The following BRD7 variants were observed in gnomAD, a reference collection of about 807,000 sequenced individuals.
BRD7 encodes bromodomain-containing protein 7.
In BRD7, 15 loss-of-function variants were observed where a neutral mutation model predicts 82.1. The ratio of observed to expected loss-of-function variants is 0.18; its 90% CI spans 0.12 to 0.28. The LOEUF (loss-of-function observed/expected upper bound fraction) is 0.28, where lower values mean the gene tolerates loss of function less well. Among genes scored for constraint, BRD7 ranks in the 10% least tolerant of loss-of-function variants. The probability of loss-of-function intolerance (pLI) is 1.00; values close to 1 mark genes in which losing one functional copy is unlikely to be tolerated. For synonymous variants in BRD7, 232 were observed against 266.9 expected (o/e 0.87, Z 1.27); for missense variants, 638 against 779.9 (o/e 0.82, Z 2.17).
chr16:50,341,390 T>C (rs1356445604), intron 5 of BRD7, among the ~76,000 whole-genome samples: 5 of 151,930 alleles, frequency 3.3e-5, no homozygotes, highest in Non-Finnish European at 5.9e-5. Flanking sequence ...CTTATAATTC[T>C]AGCACTTTGG....
At chr16:50,328,996 G>C (rs1243380896) in intron 8 of BRD7, among the ~76,000 whole-genome samples, 2 of 152,126 alleles carry the variant, frequency 1.3e-5, no homozygotes, top group Non-Finnish European at 2.9e-5. Context: ...GTCACATGAG[G>C]TCAGGTGTGG....
At chr16:50,333,851 C>T (rs1460094458) in intron 7 of BRD7, among the ~76,000 whole-genome samples, 154 bp from the exon 8 acceptor site, 1 of 152,146 alleles carries the variant, frequency 6.6e-6, no homozygotes, top group Non-Finnish European at 1.5e-5. Context: ...TGTTAAGGGT[C>T]TCTAATTTAA....
intron 8 of BRD7, among the ~76,000 whole-genome samples, chr16:50,330,394 G>A (rs2037514696): frequency 6.7e-6 from 1 of 148,832 alleles, no homozygotes; most frequent in Non-Finnish European, 1.5e-5. Context: ...AGGCTAGAGT[G>A]CAGAGGTGCA....
intron 2 of BRD7, among the ~76,000 whole-genome samples, chr16:50,366,035 A>G (rs1323739438): frequency 6.6e-6 from 1 of 152,234 alleles, no homozygotes; most frequent in East Asian, 1.9e-4. Context: ...CAAAGGACTA[A>G]GAATCAGAAT....
At chr16:50,337,889 A>G (rs576011101) in intron 6 of BRD7, among the ~76,000 whole-genome samples, 1 of 151,864 alleles carries the variant, frequency 6.6e-6, no homozygotes, top group East Asian at 1.9e-4. Flanking sequence ...AAAAAAAGGA[A>G]GACAACAGAG....
chr16:50,350,002 T>C, intron 5 of BRD7, 21 bp downstream of exon 5: 2 of 1,522,064 alleles, frequency 1.3e-6, no homozygotes, highest in South Asian at 2.7e-5. Flanking sequence ...AGATTTTGTG[T>C]ATATAGGATT....
chr16:50,356,655 A>G (rs1244828615), intron 2 of BRD7, among the ~76,000 whole-genome samples: 1 of 152,076 alleles, frequency 6.6e-6, no homozygotes, highest in Non-Finnish European at 1.5e-5. Context: ...AAGGAAAGAC[A>G]GAAATGGGAC....
chr16:50,356,427 A>G (rs1316132673), intron 2 of BRD7, among the ~76,000 whole-genome samples: 2 of 152,236 alleles, frequency 1.3e-5, no homozygotes, highest in Non-Finnish European at 2.9e-5. Flanking sequence ...AAATTGTGTC[A>G]TATTTACATA....
In BRD7 at chr16:50,334,868, T is replaced by C. The variant is rs370777891; in HGVS notation, c.730A>G (p.Ile244Val). 1 of 1,614,062 alleles carries C rather than the reference T, an allele frequency of 6.2e-7. No individual in the cohort carries two copies. Among genetic ancestry groups the C allele is most frequent in the Non-Finnish European group, 8.5e-7 (1 of 1,179,982 alleles). The change falls in exon 7 of 17, where the codon ATA (isoleucine) becomes GTA (valine). Residue 244 changes from isoleucine (I) to valine (V), a missense_variant. Physicochemically the swap from Ile to Val is conservative, Grantham distance 29. Around this residue, in one of 3 missense-constraint regions of BRD7, gnomAD observed 402 missense variants for 500.8 expected, o/e 0.80. Coordinates refer to ENST00000394688, the MANE Select transcript of BRD7 (RefSeq NM_013263.5). ...TTCTGCAAGTCAGCCATGAAGTCTA[T>C]GCTCTGCTTCAGGCTCTGAATTCTT... ...QERIQSLKQS[I>V]DFMADLQKTR...
At chr16:50,353,862 T>C (rs1429405113) in intron 4 of BRD7, among the ~76,000 whole-genome samples, 1 of 151,434 alleles carries the variant, frequency 6.6e-6, no homozygotes, top group African/African-American at 2.4e-5. Context: ...CCTCCCAAAG[T>C]GCTGGGACTA....
intron 5 of BRD7, among the ~76,000 whole-genome samples, chr16:50,347,147 C>G (rs2151182479): frequency 6.6e-6 from 1 of 152,152 alleles, no homozygotes; most frequent in South Asian, 2.1e-4. Flanking sequence ...TAAACAGAAC[C>G]AAAGACAAAA....
chr16:50,339,979 G>A lies in BRD7; in HGVS notation c.699C>T (p.Ser233=), dbSNP rs745358579. Residue 233 remains serine (S), a synonymous_variant, in exon 6 of 17, where the codon AGC becomes AGT. Transcript: ENST00000394688. ...TATGACAAAGAGTTTCCTTTACCTG[G>A]CTAAGAATTTTCATTCCTGAGTGCA... The part of the protein sequence containing the change: ...KLLHSGMKIL[S]QERIQSLKQS... 1.5e-5 allele frequency: 24 copies of A among 1,560,850 alleles called. No individual in the cohort carries two copies. Among genetic ancestry groups the A allele is most frequent in the Non-Finnish European group, 3.5e-6 (4 of 1,147,698 alleles).
chr16:50,363,641 T>TTGTGTGTGTGTGTGTGTG (rs374792308), intron 2 of BRD7, among the ~76,000 whole-genome samples: 9 of 149,174 alleles, frequency 6.0e-5, no homozygotes, highest in South Asian at 2.1e-4. Context: ...CGTTGTGTGT[T>TTGTGTGTGTGTGTGTGTG]TGTGTGTGTG....
Position 50,317,304 on chromosome 16 carries a change from A to G in BRD7, c.*1907T>C, listed in dbSNP as rs1852455127. On this transcript the variant is annotated 3_prime_UTR_variant, in exon 17 of 17. Transcript: ENST00000394688. ...CTTAAGTTGCCTTTTTTACACACCA[A>G]AACTTTTTACATGAAGGGCTGGTTT... The G allele has an allele frequency of 6.6e-6, 1 of 152,488 alleles. No individual in the cohort carries two copies. Among genetic ancestry groups the G allele is most frequent in the East Asian group, 1.9e-4 (1 of 5,340 alleles). The allele number at this position is 152,488 out of a possible 1,614,324, so 9.4% of individuals were successfully genotyped here.
At chr16:50,361,574 C>G (rs1443646324) in intron 2 of BRD7, among the ~76,000 whole-genome samples, 1 of 152,184 alleles carries the variant, frequency 6.6e-6, no homozygotes, top group Non-Finnish European at 1.5e-5. Flanking sequence ...CTATGCAGGT[C>G]TCCTTACAGT....
chr16:50,323,823 C>T, intron 11 of BRD7, 125 bp from the exon 12 acceptor site: 7 of 649,390 alleles, frequency 1.1e-5, no homozygotes, highest in Admixed American at 2.5e-5. Context: ...TCTGCCTAGA[C>T]ACAACATGGT....
chr16:50,356,755 C>CACAT (rs1567286527), intron 2 of BRD7, among the ~76,000 whole-genome samples: 6 of 150,316 alleles, frequency 4.0e-5, no homozygotes, highest in Non-Finnish European at 7.4e-5. Flanking sequence ...CACACACACA[C>CACAT]ATATATATAT....
At chr16:50,325,638 G>A in intron 11 of BRD7, 110 bp downstream of exon 11, 1 of 1,017,874 alleles carries the variant, frequency 9.8e-7, no homozygotes, top group South Asian at 2.1e-5. Context: ...AAAAATTACT[G>A]AGCACATTTT....
chr16:50,350,865 ACT>A (rs1227362481), intron 4 of BRD7, among the ~76,000 whole-genome samples: 1 of 152,164 alleles, frequency 6.6e-6, no homozygotes, highest in Non-Finnish European at 1.5e-5. Context: ...CGGGAGGAAG[ACT>A]CAGCCTAGAC....
Sources: gnomAD v4.1 joint callset for allele counts (sites outside exome capture counted in the v4.1 genomes callset) on GRCh38, gnomAD v4.1.1 for gene constraint, gnomAD v4.1.1 regional missense constraint, MANE v1.5 for transcripts, NCBI Gene and HGNC (gene_info 2026-07-23, HGNC 2026-07-21) for gene names.